The following AQP4 variants were observed in gnomAD, a reference collection of about 807,000 sequenced individuals.
The protein encoded by AQP4 is aquaporin 4.
A neutral mutation model predicts 27.8 loss-of-function variants in AQP4; 18 were observed. That is an observed-to-expected ratio of 0.65 (90% CI 0.45 to 0.96). The LOEUF (loss-of-function observed/expected upper bound fraction) is 0.96, where lower values mean the gene tolerates loss of function less well. Among genes scored for constraint, AQP4 ranks in the 40% least tolerant of loss-of-function variants. The pLI is 0.00. For synonymous variants in AQP4, 141 were observed against 142.9 expected (o/e 0.99, Z 0.10); for missense variants, 412 against 408.2 (o/e 1.01, Z -0.08).
At position 26,855,513 on chromosome 18, in the gene AQP4, G is replaced by A. The variant is rs2054825946; in HGVS notation, c.*698C>T. The A allele has an allele frequency of 2.0e-5, 3 of 152,350 alleles. No homozygotes were observed. Among genetic ancestry groups the A allele is most frequent in the South Asian group, 4.1e-4 (2 of 4,828 alleles). The allele number at this position is 152,350 out of a possible 1,614,324, so 9.4% of individuals were successfully genotyped here. A position where few individuals can be genotyped will look rare whatever the true frequency, so the allele number is the denominator to read the frequency against. On this transcript the variant is annotated 3_prime_UTR_variant, in exon 5 of 5. Coordinates refer to ENST00000383168, the MANE Select transcript of AQP4 (RefSeq NM_001650.7). ...AGTCTGCTTGTCTTGAATCTCAATA[G>A]GTGCCCTTATGATTTGGGAAGGATT...
intron 1 of AQP4, among the ~76,000 whole-genome samples, chr18:26,863,766 G>A (rs1568071173): frequency 1.3e-5 from 2 of 152,136 alleles, no homozygotes; most frequent in Non-Finnish European, 1.5e-5. Flanking sequence ...TTTTCTCTAC[G>A]GTCTTTTTGA....
In AQP4 at chr18:26,865,591, A is replaced by G. The variant is rs1234964294; in HGVS notation, c.32+67T>C. ...TCTGCCTAAGAAGGCACAAACATCTATAATAAAAGAGACAGTTTCATCTTT... is the reference window on the plus strand; with the variant it reads ...TCTGCCTAAGAAGGCACAAACATCTGTAATAAAAGAGACAGTTTCATCTTT... On this transcript the variant is annotated intron_variant, in intron 1 of 4. Coordinates refer to ENST00000383168, the MANE Select transcript of AQP4 (RefSeq NM_001650.7). 8 of 1,604,716 alleles carry G rather than the reference A, an allele frequency of 5.0e-6. No individual in the cohort carries two copies. The African/African-American group carries it at 6.7e-5, about 13-fold the overall frequency.
chr18:26,856,597 C>G, intron 4 of AQP4, 108 bp from the exon 5 acceptor site: 1 of 1,296,320 alleles, frequency 7.7e-7, no homozygotes, highest in Admixed American at 2.0e-5. Context: ...GTATTTGTGT[C>G]ATGCATCAAA....
intron 4 of AQP4, among the ~76,000 whole-genome samples, chr18:26,856,909 C>A (rs1173147289): frequency 6.6e-6 from 1 of 152,090 alleles, no homozygotes; most frequent in Non-Finnish European, 1.5e-5. Context: ...CAATCATGAT[C>A]ATAACACAGT....
intron 2 of AQP4, 93 bp from the exon 3 acceptor site, chr18:26,861,388 G>T: frequency 7.6e-7 from 1 of 1,313,748 alleles, no homozygotes; most frequent in Non-Finnish European, 1.1e-6. Flanking sequence ...TTTTATCTGT[G>T]TAAAAAGTAA....
chr18:26,863,715 A>G lies in AQP4; in HGVS notation c.33-1119T>C, dbSNP rs2055003327. On this transcript the variant is annotated intron_variant, in intron 1 of 4. Coordinates refer to ENST00000383168, the MANE Select transcript of AQP4 (RefSeq NM_001650.7). Reference sequence around the variant, plus strand: ...TCAGGAAAAGCGGGTGTGGTTAGGGAAACTGTGGGCCCCTGAGCAGAAGGC... The same window carrying G: ...TCAGGAAAAGCGGGTGTGGTTAGGGGAACTGTGGGCCCCTGAGCAGAAGGC... Among the ~76,000 whole-genome samples the G allele has an allele frequency of 3.3e-5, 5 of 152,232 alleles. No homozygotes were observed. In the South Asian group the frequency reaches 6.2e-4, roughly 19 times the overall value.
At chr18:26,860,980 C>T in intron 3 of AQP4, 128 bp from the exon 4 acceptor site, 1 of 1,363,036 alleles carries the variant, frequency 7.3e-7, no homozygotes. Context: ...TATCAACATT[C>T]TCATTGAGCA....
At chr18:26,862,696 G>A in intron 1 of AQP4, 100 bp from the exon 2 acceptor site, 3 of 1,524,972 alleles carry the variant, frequency 2.0e-6, no homozygotes, top group Admixed American at 1.7e-5. Context: ...CTGTGGGCAG[G>A]GGCTGCCAGG....
intron 4 of AQP4, among the ~76,000 whole-genome samples, chr18:26,856,697 A>G (rs507571): frequency 0.012 from 1,858 of 152,230 alleles, 31 homozygotes; most frequent in African/African-American, 0.042. Context: ...CAGAAAACAA[A>G]AAGAACTGTT....
rs1421515194 is a variant in AQP4 at position 26,855,413 on chromosome 18, C to T, written c.*798G>A. 6.6e-6 allele frequency: 1 copy of T among 152,228 alleles called. No individual in the cohort carries two copies. The highest frequency in any genetic ancestry group is 2.4e-5 in the African/African-American group (1 of 41,420). 9.4% of individuals were successfully genotyped at this position (152,228 alleles called of 1,614,324 possible). On this transcript the variant is annotated 3_prime_UTR_variant, in exon 5 of 5. Transcript: ENST00000383168. ...TGAAAACAGATCAACCGTTTGATAC[C>T]CGAATACAGATCTCCTTTTTGTTTG...
chr18:26,859,262 G>A (rs1386735206), intron 4 of AQP4, among the ~76,000 whole-genome samples: 2 of 152,344 alleles, frequency 1.3e-5, no homozygotes, highest in African/African-American at 4.8e-5. Context: ...GCTCACGCCT[G>A]TAATCCCAGC....
chr18:26,861,121 G>C lies in AQP4; in HGVS notation c.612+10C>G. The C allele has an allele frequency of 6.2e-7, 1 of 1,613,826 alleles. No homozygotes were observed. The highest frequency in any genetic ancestry group is 2.2e-5 in the East Asian group (1 of 44,868). On this transcript the variant is annotated intron_variant, in intron 3 of 4. Coordinates refer to ENST00000383168, the MANE Select transcript of AQP4 (RefSeq NM_001650.7). ...TGGGATTGATTATTTAAATGGACTT[G>C]GAAACTTACTGCAAATAAATGTCCA...
intron 4 of AQP4, among the ~76,000 whole-genome samples, chr18:26,856,852 C>T (rs2054854470): frequency 6.6e-6 from 1 of 152,054 alleles, no homozygotes; most frequent in Non-Finnish European, 1.5e-5. Flanking sequence ...TCTGGAGAGT[C>T]CTTCTCTTAT....
rs1349739527 is a variant in AQP4 at position 26,853,781 on chromosome 18, C to G, written c.*2430G>C. 1.3e-5 allele frequency: 2 copies of G among 152,550 alleles called. No individual in the cohort carries two copies. The highest frequency in any genetic ancestry group is 2.9e-5 in the Non-Finnish European group (2 of 68,020). The allele number at this position is 152,550 out of a possible 1,614,324, so 9.4% of individuals were successfully genotyped here. Reference sequence around the variant, plus strand: ...ATTTCATTACTTTTTACTGGCAGAGCCTTGAGTGAAATACAAAATATGTTG... The same window carrying G: ...ATTTCATTACTTTTTACTGGCAGAGGCTTGAGTGAAATACAAAATATGTTG... On this transcript the variant is annotated 3_prime_UTR_variant, in exon 5 of 5. Transcript: ENST00000383168.
intron 3 of AQP4, 83 bp from the exon 4 acceptor site, chr18:26,860,935 T>A: frequency 6.8e-7 from 1 of 1,470,702 alleles, no homozygotes; most frequent in Non-Finnish European, 9.5e-7. Flanking sequence ...TGCTGTCATT[T>A]GTCACTTAGA....
intron 3 of AQP4, 69 bp from the exon 4 acceptor site, chr18:26,860,921 A>C: frequency 6.7e-7 from 1 of 1,503,388 alleles, no homozygotes; most frequent in South Asian, 1.1e-5. Flanking sequence ...CATTCATTGC[A>C]ATTTGCTGTC....
intron 1 of AQP4, chr18:26,862,903 G>A (rs1395397714): frequency 2.6e-6 from 1 of 391,656 alleles, no homozygotes; most frequent in African/African-American, 2.1e-5. Flanking sequence ...TATTTACCTT[G>A]TACTTAATTC....
intron 4 of AQP4, among the ~76,000 whole-genome samples, chr18:26,858,417 G>A (rs1461931236): frequency 6.6e-6 from 1 of 152,096 alleles, no homozygotes; most frequent in Non-Finnish European, 1.5e-5. Context: ...AACACCCTCT[G>A]CAAATTAATC....
At chr18:26,864,146 C>A (rs2055013293) in intron 1 of AQP4, among the ~76,000 whole-genome samples, 1 of 152,162 alleles carries the variant, frequency 6.6e-6, no homozygotes, top group Admixed American at 6.5e-5. Flanking sequence ...GGCAAGAAAG[C>A]CAAGTACTTT....
Sources: gnomAD v4.1 joint callset for allele counts (sites outside exome capture counted in the v4.1 genomes callset) on GRCh38, gnomAD v4.1.1 for gene constraint, MANE v1.5 for transcripts, NCBI Gene and HGNC (gene_info 2026-07-23, HGNC 2026-07-21) for gene names.